Variants in VSTM2A observed in about 807,000 individuals in gnomAD.
VSTM2A encodes V-set and transmembrane domain containing 2A, also known as V-set and transmembrane domain-containing protein 2A.
VSTM2A carries 13 observed loss-of-function variants against 27.3 expected under a neutral mutation model. That is an observed-to-expected ratio of 0.48 (90% CI 0.31 to 0.76). The LOEUF (loss-of-function observed/expected upper bound fraction) is 0.76. Ranked by LOEUF, VSTM2A falls within the 30% of genes least tolerant of loss-of-function variation. The probability of loss-of-function intolerance (pLI) is 0.05; values close to 1 mark genes in which losing one functional copy is unlikely to be tolerated. For missense variants in VSTM2A, 280 were observed against 310.0 expected (o/e 0.90, Z 0.73); for synonymous variants, 142 against 125.7 (o/e 1.13, Z -0.87).
chr7:54,547,274 CAGTA>C, intron 3 of VSTM2A: 2 of 399,668 alleles, frequency 5.0e-6, no homozygotes, highest in Non-Finnish European at 8.9e-6. Flanking sequence ...ACTTACCTAA[CAGTA>C]AGAGTAAATA....
chr7:54,566,701 TAC>T (rs981147081), intron 4 of VSTM2A, among the ~76,000 whole-genome samples: 2 of 152,224 alleles, frequency 1.3e-5, no homozygotes, highest in Non-Finnish European at 2.9e-5. Context: ...AAAACAATTC[TAC>T]ACAGTTATTA....
intron 4 of VSTM2A, chr7:54,553,942 C>A (rs1407305875): frequency 1.3e-6 from 2 of 1,551,764 alleles, no homozygotes; most frequent in South Asian, 1.2e-5. Context: ...TCTCTGTCTT[C>A]ACTTTTTTCT....
chr7:54,549,763 C>T (rs984239832), intron 3 of VSTM2A, 71 bp from the exon 4 acceptor site: 4 of 1,393,880 alleles, frequency 2.9e-6, no homozygotes, highest in South Asian at 3.0e-5. Context: ...TATTAGCAAG[C>T]TCAGGGTAAA....
chr7:54,545,031 C>T (rs956572139), intron 2 of VSTM2A, among the ~76,000 whole-genome samples: 4 of 152,234 alleles, frequency 2.6e-5, no homozygotes, highest in Admixed American at 6.5e-5. Context: ...AGCGCCTCCT[C>T]CTGTAAGTTC....
chr7:54,567,641 A>C (rs1042947954), intron 4 of VSTM2A, among the ~76,000 whole-genome samples: 1 of 152,242 alleles, frequency 6.6e-6, no homozygotes, highest in Non-Finnish European at 1.5e-5. Context: ...TAAATAGTGA[A>C]TTATTTTACC....
chr7:54,563,449 C>T (rs1788623686), intron 4 of VSTM2A, among the ~76,000 whole-genome samples: 1 of 152,192 alleles, frequency 6.6e-6, no homozygotes, highest in African/African-American at 2.4e-5. Context: ...CCCATCTGCA[C>T]AAAATCAGTT....
chr7:54,570,446 C>T lies in VSTM2A; in HGVS notation c.*1227C>T, dbSNP rs1193389898. On this transcript the variant is annotated 3_prime_UTR_variant, in exon 5 of 5. Coordinates refer to ENST00000402613, the MANE Select transcript of VSTM2A (RefSeq NM_001301009.2). ...TTCTGTACCTTTGTCATTCTGTTAC[C>T]TTTGTCATTCTGTTATTTGCGCTAA... The T allele has an allele frequency of 2.0e-5, 3 of 151,936 alleles. No homozygotes were observed. Among genetic ancestry groups the T allele is most frequent in the Admixed American group, 1.3e-4 (2 of 15,244 alleles). 9.4% of individuals were successfully genotyped at this position (151,936 alleles called of 1,614,324 possible). A position where few individuals can be genotyped will look rare whatever the true frequency, so the allele number is the denominator to read the frequency against.
chr7:54,548,778 T>C (rs1455064918), intron 3 of VSTM2A, among the ~76,000 whole-genome samples: 1 of 152,062 alleles, frequency 6.6e-6, no homozygotes, highest in African/African-American at 2.4e-5. Flanking sequence ...TATACCTCTA[T>C]ATGTAAAAGC....
At chr7:54,554,020 A>G in intron 4 of VSTM2A, 1 of 1,553,046 alleles carries the variant, frequency 6.4e-7, no homozygotes, top group Non-Finnish European at 8.7e-7. Flanking sequence ...CCTCTTCCCC[A>G]ACCTGGCCAT....
chr7:54,545,715 G>A (rs1472901935), intron 2 of VSTM2A, among the ~76,000 whole-genome samples: 1 of 111,148 alleles, frequency 9.0e-6, no homozygotes, highest in African/African-American at 4.0e-5. Flanking sequence ...GAAAGAGAGA[G>A]AGGGAAGGGG....
chr7:54,546,072 A>G (rs1370860773), intron 2 of VSTM2A: 1 of 129,104 alleles, frequency 7.7e-6, no homozygotes, highest in Non-Finnish European at 1.6e-5. Context: ...GAAGGAGAGG[A>G]AAAGGAGAGA....
chr7:54,554,198 T>C, intron 4 of VSTM2A: 3 of 1,437,576 alleles, frequency 2.1e-6, no homozygotes, highest in Non-Finnish European at 2.8e-6. Flanking sequence ...TCTCCCTCGA[T>C]CACTCCTTCC....
chr7:54,560,991 T>C (rs1019342236), intron 4 of VSTM2A, among the ~76,000 whole-genome samples: 15 of 152,216 alleles, frequency 9.9e-5, no homozygotes, highest in African/African-American at 3.6e-4. Flanking sequence ...TTGTATATAA[T>C]CTTTTATCTT....
In VSTM2A at chr7:54,550,050, C is replaced by G. The variant is rs567729530; in HGVS notation, c.514C>G (p.Pro172Ala). The G allele has an allele frequency of 2.5e-6, 4 of 1,609,858 alleles. No homozygotes were observed. Among genetic ancestry groups the G allele is most frequent in the Non-Finnish European group, 3.4e-6 (4 of 1,178,106 alleles). ...GCCCATGTGGCTGCAGGATATGAAG[C>G]CCCGCAAGAACGTCTCCGCAGCCAT... ...ASPMWLQDMK[P>A]RKNVSAAIPS... The change falls in exon 4 of 5, where the codon CCC becomes GCC. Residue 172 changes from proline (P) to alanine (A), a missense_variant. Pro to Ala is a conservative substitution (Grantham distance 27, BLOSUM62 -1). Transcript: ENST00000402613.
At chr7:54,546,897 G>A in intron 2 of VSTM2A, 50 bp from the exon 3 acceptor site, 1 of 1,592,404 alleles carries the variant, frequency 6.3e-7, no homozygotes. Context: ...GTGGGAGCGG[G>A]TGGTCGGGCG....
chr7:54,556,323 G>A (rs1018879392), intron 4 of VSTM2A, among the ~76,000 whole-genome samples: 2 of 152,176 alleles, frequency 1.3e-5, no homozygotes, highest in Admixed American at 6.5e-5. Context: ...TGTTCACCAT[G>A]ATGTGAACCT....
At chr7:54,554,108 G>T in intron 4 of VSTM2A, 1 of 1,548,976 alleles carries the variant, frequency 6.5e-7, no homozygotes, top group Non-Finnish European at 8.7e-7. Flanking sequence ...TCCCAAAGCT[G>T]TCATGCAAGT....
chr7:54,556,848 A>C (rs1788376705), intron 4 of VSTM2A: 1 of 152,198 alleles, frequency 6.6e-6, no homozygotes, highest in African/African-American at 2.4e-5. Context: ...GGGTTTTTCC[A>C]TTCATAACTG....
intron 3 of VSTM2A, 24 bp from the exon 4 acceptor site, chr7:54,549,810 T>A (rs1288416088): frequency 6.5e-7 from 1 of 1,542,990 alleles, no homozygotes; most frequent in Non-Finnish European, 8.7e-7. Context: ...CACTTTATTG[T>A]TTTTTTTACC....
Sources: gnomAD v4.1 joint callset for allele counts (sites outside exome capture counted in the v4.1 genomes callset) on GRCh38, gnomAD v4.1.1 for gene constraint, MANE v1.5 for transcripts, NCBI Gene and HGNC (gene_info 2026-07-23, HGNC 2026-07-21) for gene names.